Variants in AFAP1L2 observed in about 807,000 individuals in gnomAD.
AFAP1L2 encodes the protein actin filament associated protein 1 like 2.
Under a neutral mutation model 99.3 loss-of-function variants are expected in AFAP1L2, and 46 were observed. The ratio of observed to expected loss-of-function variants is 0.46; its 90% CI spans 0.37 to 0.59. AFAP1L2 has a LOEUF of 0.59. Ranked by LOEUF, AFAP1L2 falls within the 20% of genes least tolerant of loss-of-function variation. The pLI is 0.00. For synonymous variants in AFAP1L2, 397 were observed against 419.1 expected (o/e 0.95, Z 0.64); for missense variants, 959 against 1,034.9 (o/e 0.93, Z 1.01).
At chr10:114,291,191 G>A (rs1183204928), downstream of AFAP1L2, 11 of 1,550,268 alleles carry the variant, frequency 7.1e-6, no homozygotes, top group East Asian at 2.4e-5. Context: ...AGACACTCCT[G>A]TCCTCAGACT....
intron 1 of AFAP1L2, among the ~76,000 whole-genome samples, chr10:114,368,811 C>T (rs967213954): frequency 2.1e-4 from 27 of 131,404 alleles, no homozygotes; most frequent in Middle Eastern, 3.8e-3. Context: ...CACACACACA[C>T]ACACAGAGTA....
chr10:114,300,914 A>G (rs1276503785), intron 13 of AFAP1L2, among the ~76,000 whole-genome samples: 1 of 152,146 alleles, frequency 6.6e-6, no homozygotes, highest in Non-Finnish European at 1.5e-5. Context: ...TCATCTGTAA[A>G]GAGGAAAAGA....
At chr10:114,305,351 C>T (rs2042026117) in intron 10 of AFAP1L2, among the ~76,000 whole-genome samples, 1 of 125,900 alleles carries the variant, frequency 7.9e-6, no homozygotes, top group Non-Finnish European at 1.7e-5. Flanking sequence ...GGGGACTGGG[C>T]TGCAGGAGGG....
chr10:114,333,895 C>G (rs953765760), intron 2 of AFAP1L2, among the ~76,000 whole-genome samples: 1 of 152,104 alleles, frequency 6.6e-6, no homozygotes, highest in Non-Finnish European at 1.5e-5. Flanking sequence ...TCTGGGCTTC[C>G]TAGCATTTCA....
At chr10:114,351,653 G>C (rs1352458898) in intron 1 of AFAP1L2, among the ~76,000 whole-genome samples, 1 of 152,186 alleles carries the variant, frequency 6.6e-6, no homozygotes, top group Admixed American at 6.5e-5. Flanking sequence ...AGGAACCTGG[G>C]CAGGAGAAAC....
chr10:114,317,198 T>C (rs576871173), intron 5 of AFAP1L2, among the ~76,000 whole-genome samples: 4 of 58,186 alleles, frequency 6.9e-5, no homozygotes, highest in Non-Finnish European at 1.9e-4. Flanking sequence ...AAACAGAATA[T>C]AGAAAAATGG....
upstream of AFAP1L2, chr10:114,404,655 C>T (rs1378835146): frequency 1.5e-6 from 1 of 680,078 alleles, no homozygotes; most frequent in South Asian, 5.7e-5. Flanking sequence ...CCCAGCGCCC[C>T]TGTCCCAGCG....
intron 1 of AFAP1L2, among the ~76,000 whole-genome samples, chr10:114,385,646 C>G (rs941993120): frequency 6.6e-6 from 1 of 152,122 alleles, no homozygotes; most frequent in Non-Finnish European, 1.5e-5. Flanking sequence ...TGCCTGCCTC[C>G]CTGCCCCCAC....
chr10:114,404,667 CGGAGAACT>C, upstream of AFAP1L2: 1 of 569,940 alleles, frequency 1.8e-6, no homozygotes, highest in Non-Finnish European at 2.6e-6. Context: ...GTCCCAGCGC[CGGAGAACT>C]CCGGCCCGCC....
intron 9 of AFAP1L2, 68 bp downstream of exon 9, chr10:114,308,365 A>C (rs1590018118): frequency 2.1e-6 from 3 of 1,403,832 alleles, no homozygotes; most frequent in East Asian, 4.6e-5. Flanking sequence ...AAAACCCATC[A>C]GGGTTGAGCC....
rs552861977 is a variant in AFAP1L2 at position 114,377,621 on chromosome 10, C to A, written c.16+26819G>T. On this transcript the variant is annotated intron_variant, in intron 1 of 18. Coordinates refer to ENST00000304129, the MANE Select transcript of AFAP1L2 (RefSeq NM_001001936.3). The surrounding 1 kb of genome is among the most constrained non-coding windows in gnomAD (Gnocchi z 4.0). ...CAGTCAATGGTATAGAGTGGTTATT[C>A]GATTTCCCCAGTGTGATGATGGGGT... 1.3e-5 allele frequency among the ~76,000 whole-genome samples: 2 copies of A among 152,284 alleles called. No individual in the cohort carries two copies. The highest frequency in any genetic ancestry group is 4.8e-5 in the African/African-American group (2 of 41,554).
At chr10:114,389,220 C>T (rs2056859240) in intron 1 of AFAP1L2, among the ~76,000 whole-genome samples, 2 of 152,254 alleles carry the variant, frequency 1.3e-5, no homozygotes, top group South Asian at 4.2e-4. Context: ...GGACTCTGGT[C>T]ATCTGGTCCA....
downstream of AFAP1L2, chr10:114,290,310 T>C: frequency 2.6e-6 from 4 of 1,550,572 alleles, no homozygotes; most frequent in Admixed American, 3.9e-5. Context: ...TCCTGCAGAA[T>C]GGGAGCTACC....
At chr10:114,367,707 C>T (rs1282737580) in intron 1 of AFAP1L2, among the ~76,000 whole-genome samples, 1 of 152,176 alleles carries the variant, frequency 6.6e-6, no homozygotes, top group Non-Finnish European at 1.5e-5. Context: ...TTATTCCAAG[C>T]TTTCCCGGGC....
At chr10:114,325,193 C>T (rs2135341879) in intron 4 of AFAP1L2, among the ~76,000 whole-genome samples, 1 of 152,290 alleles carries the variant, frequency 6.6e-6, no homozygotes, top group East Asian at 1.9e-4. Flanking sequence ...AATAATAATA[C>T]TAGGGTTGTT....
chr10:114,302,538 C>G (rs958477373), intron 11 of AFAP1L2, 54 bp from the exon 12 acceptor site: 8 of 1,606,356 alleles, frequency 5.0e-6, no homozygotes, highest in Middle Eastern at 3.4e-4. Context: ...TGCCTGGTGC[C>G]AGCCCCTCCC....
chr10:114,377,815 G>C lies in AFAP1L2; in HGVS notation c.16+26625C>G, dbSNP rs904423338. On this transcript the variant is annotated intron_variant, in intron 1 of 18. Coordinates refer to ENST00000304129, the MANE Select transcript of AFAP1L2 (RefSeq NM_001001936.3). The surrounding 1 kb of genome is among the most constrained non-coding windows in gnomAD (Gnocchi z 4.0). ...TTGGCCTGAGAGGCTTAAGGAGAGA[G>C]CATCACATAGTTGGTTCCATTTCCA... is the stretch of plus-strand genomic sequence containing the variant. Among the ~76,000 whole-genome samples the C allele has an allele frequency of 6.6e-6, 1 of 152,204 alleles. No homozygotes were observed. The highest frequency in any genetic ancestry group is 2.4e-5 in the African/African-American group (1 of 41,442).
chr10:114,346,367 G>T (rs2049574739), intron 1 of AFAP1L2, among the ~76,000 whole-genome samples: 1 of 152,178 alleles, frequency 6.6e-6, no homozygotes, highest in South Asian at 2.1e-4. Flanking sequence ...GCTCTTTCCG[G>T]TCAAGGGTCA....
At chr10:114,359,777 G>A (rs1452045305) in intron 1 of AFAP1L2, among the ~76,000 whole-genome samples, 1 of 152,110 alleles carries the variant, frequency 6.6e-6, no homozygotes, top group Non-Finnish European at 1.5e-5. Flanking sequence ...AGGTGCTGAC[G>A]TGGTCAGGGC....
Sources: allele counts gnomAD v4.1 joint callset (sites outside exome capture counted in the v4.1 genomes callset), GRCh38; gene constraint gnomAD v4.1.1; non-coding constraint Gnocchi (gnomAD v3.1); transcripts MANE v1.5; gene names NCBI Gene and HGNC (gene_info 2026-07-23, HGNC 2026-07-21).